Variants in NUP160 observed in about 807,000 individuals in gnomAD.
The protein encoded by NUP160 is nucleoporin 160.
Under a neutral mutation model 196.9 loss-of-function variants are expected in NUP160, and 94 were observed. That is an observed-to-expected ratio of 0.48 (90% confidence interval 0.40 to 0.57). The LOEUF is 0.57. Ranked by LOEUF, NUP160 falls within the 20% of genes least tolerant of loss-of-function variation. The probability of loss-of-function intolerance (pLI) is 0.00; values close to 1 mark genes in which losing one functional copy is unlikely to be tolerated. For synonymous variants in NUP160, 605 were observed against 619.7 expected (o/e 0.98, Z 0.35); for missense variants, 1,638 against 1,748.3 (o/e 0.94, Z 1.13).
At chr11:47,841,628 ACGTGCTCTAGTT>A (rs1209358327) in intron 2 of NUP160, 1 of 421,818 alleles carries the variant, frequency 2.4e-6, no homozygotes, top group Non-Finnish European at 4.7e-6. Flanking sequence ...TGATCCTGGA[ACGTGCTCTAGTT>A]CGAGAGATTG....
chr11:47,784,800 C>T, intron 33 of NUP160, 122 bp downstream of exon 33: 1 of 691,566 alleles, frequency 1.4e-6, no homozygotes, highest in Non-Finnish European at 2.2e-6. Flanking sequence ...TGTTGGCCTA[C>T]CAATGTGCGG....
chr11:47,779,772 G>C (rs1280370644), intron 35 of NUP160, among the ~76,000 whole-genome samples: 4 of 152,146 alleles, frequency 2.6e-5, no homozygotes, highest in Non-Finnish European at 5.9e-5. Flanking sequence ...CTGCTGTCTA[G>C]GATGGAGTGC....
chr11:47,781,315 T>C (rs1416155097), intron 34 of NUP160, among the ~76,000 whole-genome samples: 1 of 151,588 alleles, frequency 6.6e-6, no homozygotes, highest in Non-Finnish European at 1.5e-5. Context: ...CAGGCTGGAG[T>C]GTAGTGGCAT....
intron 4 of NUP160, 182 bp downstream of exon 4, chr11:47,839,661 C>T (rs981330006): frequency 4.9e-6 from 3 of 610,212 alleles, no homozygotes; most frequent in African/African-American, 3.7e-5. Context: ...CTCCAATATG[C>T]TTTATAGTTC....
intron 9 of NUP160, 142 bp downstream of exon 9, chr11:47,821,582 A>G: frequency 1.6e-6 from 1 of 608,702 alleles, no homozygotes; most frequent in Non-Finnish European, 2.9e-6. Flanking sequence ...CTGGTCTCGA[A>G]CTCCTGAGCT....
chr11:47,793,486 G>A (rs1436430881), intron 27 of NUP160, among the ~76,000 whole-genome samples: 1 of 151,668 alleles, frequency 6.6e-6, no homozygotes, highest in African/African-American at 2.4e-5. Flanking sequence ...AAAACAGTAT[G>A]GCAGTTCCTC....
chr11:47,836,564 A>G (rs917807496), intron 6 of NUP160, among the ~76,000 whole-genome samples: 4 of 152,024 alleles, frequency 2.6e-5, no homozygotes, highest in Non-Finnish European at 4.4e-5. Context: ...AGTGAGCTAT[A>G]TTCATGCCAC....
Position 47,813,429 on chromosome 11 carries a change from T to C in NUP160, c.1687-14A>G, listed in dbSNP as rs1440591440. The C allele has an allele frequency of 6.5e-7, 1 of 1,534,322 alleles. No individual in the cohort carries two copies. Among genetic ancestry groups the C allele is most frequent in the African/African-American group, 1.4e-5 (1 of 73,304 alleles). ...AGACAGGTACCCCTGGAAATACAAA[T>C]TTTCCAGTTACATTTTTGTCAGTAA... On this transcript the variant is annotated splice_polypyrimidine_tract_variant and intron_variant, in intron 13 of 35. Transcript: ENST00000378460.
exon 36 of NUP160, chr11:47,779,052 T>G: frequency 2.3e-6 from 3 of 1,301,538 alleles, no homozygotes; most frequent in Non-Finnish European, 3.4e-6. Context: ...TGTAGGGTAG[T>G]CTTAAGTCCT....
In NUP160 at chr11:47,842,996, A is replaced by C. The variant is rs140317895; in HGVS notation, c.315-2408T>G. Among the ~76,000 whole-genome samples, 807 of 152,138 alleles carry C rather than the reference A, an allele frequency of 5.3e-3. 7 individuals carry two copies. Among genetic ancestry groups the C allele is most frequent in the Middle Eastern group, 0.024 (7 of 294 alleles). ...AGTGAAACTCTGACTCTAAAAAAAAACAAACAAACAAATGAATAAACAATA... is the reference window on the plus strand; with the variant it reads ...AGTGAAACTCTGACTCTAAAAAAAACCAAACAAACAAATGAATAAACAATA... On this transcript the variant is annotated intron_variant, in intron 2 of 35. Transcript: ENST00000378460.
exon 1 of NUP160, chr11:47,848,292 C>G (rs1203463575): frequency 1.9e-6 from 3 of 1,614,146 alleles, no homozygotes; most frequent in Non-Finnish European, 1.7e-6. Flanking sequence ...CCACGAAGCT[C>G]CGTTCCAGGG....
chr11:47,827,175 A>G (rs1192911747), intron 7 of NUP160: 7 of 455,818 alleles, frequency 1.5e-5, no homozygotes, highest in Admixed American at 9.4e-5. Flanking sequence ...GAGACCAGGC[A>G]ACATGGCGAA....
chr11:47,811,088 A>G (rs935617381), intron 17 of NUP160, among the ~76,000 whole-genome samples: 3 of 152,176 alleles, frequency 2.0e-5, no homozygotes, highest in Admixed American at 6.5e-5. Context: ...TTAGGACTAT[A>G]TATTAGCAAC....
At chr11:47,797,192 C>G (rs1230920319) in intron 27 of NUP160, among the ~76,000 whole-genome samples, 2 of 152,052 alleles carry the variant, frequency 1.3e-5, no homozygotes, top group Admixed American at 6.6e-5. Context: ...AACTCAAACC[C>G]AGTCTCAAAA....
At chr11:47,819,157 A>G (rs1407489395) in intron 10 of NUP160, among the ~76,000 whole-genome samples, 1 of 152,030 alleles carries the variant, frequency 6.6e-6, no homozygotes, top group African/African-American at 2.4e-5. Flanking sequence ...CTACAAAAGT[A>G]CAAAAATTAG....
At chr11:47,778,154 A>C (rs2097658639) in exon 36 of NUP160, 1 of 151,718 alleles carries the variant, frequency 6.6e-6, no homozygotes, top group African/African-American at 2.4e-5. Context: ...TATGGTATTG[A>C]AAGTATAAAA....
chr11:47,848,343 A>T, exon 1 of NUP160: 1 of 1,613,306 alleles, frequency 6.2e-7, no homozygotes, highest in Middle Eastern at 1.7e-4. Context: ...CGCGACGCCC[A>T]ACGGAACAAA....
In NUP160 at chr11:47,837,054, T is replaced by C. The variant is rs938152132; in HGVS notation, c.828-53A>G. ...TTTACTGCTGCAAAGAATCTGATCA[T>C]TAGAATTTGCAATTCAAGAAATATA... On this transcript the variant is annotated intron_variant, in intron 5 of 35. Transcript: ENST00000378460. 1.8e-5 allele frequency: 18 copies of C among 1,011,860 alleles called. No individual in the cohort carries two copies. In the African/African-American group the frequency reaches 2.2e-4, roughly 13 times the overall value. 62.7% of individuals were successfully genotyped at this position (1,011,860 alleles called of 1,614,324 possible).
exon 8 of NUP160, chr11:47,822,127 C>G: frequency 6.2e-7 from 1 of 1,610,972 alleles, no homozygotes; most frequent in East Asian, 2.2e-5. Context: ...GAGACTATAG[C>G]GATTACTCTC....
Sources: gnomAD v4.1 joint callset for allele counts (sites outside exome capture counted in the v4.1 genomes callset) on GRCh38, gnomAD v4.1.1 for gene constraint, MANE v1.5 for transcripts, NCBI Gene and HGNC (gene_info 2026-07-23, HGNC 2026-07-21) for gene names.